The following NEURL1 variants were observed in gnomAD, a reference collection of about 807,000 sequenced individuals.
NEURL1 encodes the protein neuralized E3 ubiquitin protein ligase 1, also known as E3 ubiquitin-protein ligase NEURL1.
In NEURL1, 26 loss-of-function variants were observed where a neutral mutation model predicts 41.2. That is an observed-to-expected ratio of 0.63 (90% CI 0.46 to 0.87). The LOEUF (loss-of-function observed/expected upper bound fraction) is 0.87, where lower values mean the gene tolerates loss of function less well. Among genes scored for constraint, NEURL1 ranks in the 40% least tolerant of loss-of-function variants. The pLI is 0.00. For synonymous variants in NEURL1, 400 were observed against 402.3 expected, an observed-to-expected ratio of 0.99 and a Z score of 0.07; for missense variants, 761 against 871.1, an observed-to-expected ratio of 0.87 and a Z score of 1.59.
At chr10:103,585,631 A>G (rs369925941) in intron 4 of NEURL1, among the ~76,000 whole-genome samples, 15 of 152,088 alleles carry the variant, frequency 9.9e-5, no homozygotes, top group East Asian at 1.9e-4. Context: ...TCAGGAGATC[A>G]AGACCATCCT....
chr10:103,565,813 G>T (rs769825844), intron 1 of NEURL1, among the ~76,000 whole-genome samples: 3 of 152,060 alleles, frequency 2.0e-5, no homozygotes, highest in Admixed American at 6.6e-5. Context: ...ACCATGTCTG[G>T]CTAAGTTTTG....
intron 1 of NEURL1, among the ~76,000 whole-genome samples, chr10:103,522,983 T>A (rs1049304924): frequency 6.6e-6 from 1 of 152,188 alleles, no homozygotes; most frequent in Admixed American, 6.5e-5. Context: ...CAGTATTTTT[T>A]AGCCTTTATT....
At chr10:103,585,768 G>A (rs1373654919) in intron 4 of NEURL1, among the ~76,000 whole-genome samples, 1 of 149,724 alleles carries the variant, frequency 6.7e-6, no homozygotes, top group Admixed American at 6.7e-5. Flanking sequence ...AGGAGGCGGA[G>A]CTTGCAGTGA....
intron 1 of NEURL1, among the ~76,000 whole-genome samples, chr10:103,544,155 C>T (rs1038682152): frequency 2.0e-5 from 3 of 152,068 alleles, no homozygotes; most frequent in African/African-American, 7.2e-5. Context: ...ATGGGCAGAG[C>T]CAGGGGAGGG....
At chr10:103,515,485 T>C (rs2860495) in intron 1 of NEURL1, 121,799 of 152,252 alleles carry the variant, frequency 0.8, 49,379 homozygotes, top group East Asian at 1. Flanking sequence ...GAAATTAGGG[T>C]AGGAGATGCT....
At chr10:103,524,264 T>C (rs1409890776) in intron 1 of NEURL1, among the ~76,000 whole-genome samples, 1 of 152,224 alleles carries the variant, frequency 6.6e-6, no homozygotes, top group Non-Finnish European at 1.5e-5. Context: ...ATTCAGCTCA[T>C]CTGCCTGTTT....
chr10:103,561,154 C>A (rs1425521962), intron 1 of NEURL1, among the ~76,000 whole-genome samples: 1 of 152,182 alleles, frequency 6.6e-6, no homozygotes, highest in East Asian at 1.9e-4. Context: ...CAGCTGGCTT[C>A]CCCCCGAGGG....
At chr10:103,555,210 G>T in intron 1 of NEURL1, 1 of 736,654 alleles carries the variant, frequency 1.4e-6, no homozygotes, top group South Asian at 5.5e-5. Flanking sequence ...GCGTGTGCCG[G>T]AGGGGGCGCG....
intron 1 of NEURL1, among the ~76,000 whole-genome samples, chr10:103,537,467 A>G (rs1234459940): frequency 6.6e-6 from 1 of 151,916 alleles, no homozygotes; most frequent in Non-Finnish European, 1.5e-5. Flanking sequence ...TGGTGTGATC[A>G]TGGCTCACTG....
rs915113235 is a variant in NEURL1, at chr10:103,570,768, T to C, written c.86-104T>C. 9.9e-6 allele frequency: 15 copies of C among 1,518,984 alleles called. No individual in the cohort carries two copies. In the African/African-American group the frequency reaches 1.9e-4, roughly 20 times the overall value. The allele number at this position is 1,518,984 out of a possible 1,614,324, so 94.1% of individuals were successfully genotyped here. On this transcript the variant is annotated intron_variant, in intron 1 of 5. Transcript: ENST00000369780. ...CGGCAGTGGTGAAAGAACTGGGCTCTGGGTGACTTCTGGTCATGCCCAGCC... is the reference window on the plus strand; with the variant it reads ...CGGCAGTGGTGAAAGAACTGGGCTCCGGGTGACTTCTGGTCATGCCCAGCC...
intron 3 of NEURL1, chr10:103,577,806 A>C (rs1041439641): frequency 6.6e-6 from 1 of 152,222 alleles, no homozygotes; most frequent in Non-Finnish European, 1.5e-5. Context: ...TGCCTGCCTT[A>C]TAGTTCCCCG....
intron 1 of NEURL1, among the ~76,000 whole-genome samples, chr10:103,527,043 T>G (rs1020398632): frequency 1.3e-5 from 2 of 152,160 alleles, no homozygotes; most frequent in Non-Finnish European, 2.9e-5. Flanking sequence ...TTATGGTTAT[T>G]TCTTATCATA....
At chr10:103,557,902 C>T (rs556256348) in intron 1 of NEURL1, among the ~76,000 whole-genome samples, 1 of 151,922 alleles carries the variant, frequency 6.6e-6, no homozygotes, top group Non-Finnish European at 1.5e-5. Context: ...TTTTTTGAGA[C>T]GTAGTCTCTC....
rs1592232718 is a variant in NEURL1 at position 103,571,762 on chromosome 10, G to A, written c.589G>A (p.Ala197Thr). 1 of 1,613,782 alleles carries A rather than the reference G, an allele frequency of 6.2e-7. No individual in the cohort carries two copies. Among genetic ancestry groups the A allele is most frequent in the Non-Finnish European group, 8.5e-7 (1 of 1,179,922 alleles). Residue 197 changes from alanine to threonine, a missense_variant, in exon 3 of 6, where the codon GCC becomes ACC. Coordinates refer to ENST00000369780, the MANE Select transcript of NEURL1 (RefSeq NM_004210.5). ...GCTGTTCTTCAGCGGGGTCCGCACG[G>A]CCGACCCGCTCTGGGCCCTGGTGGA... is the stretch of plus-strand genomic sequence containing the variant. ...VMLFFSGVRT[A>T]DPLWALVDVY...
chr10:103,548,276 G>A (rs2034963319), intron 1 of NEURL1, among the ~76,000 whole-genome samples: 1 of 152,074 alleles, frequency 6.6e-6, no homozygotes, highest in South Asian at 2.1e-4. Flanking sequence ...CCGAGTAAAT[G>A]TTTCTTATTA....
rs529399978 is a variant in NEURL1, at chr10:103,559,975, T to C, written c.86-10897T>C. On this transcript the variant is annotated intron_variant, in intron 1 of 5. Coordinates refer to ENST00000369780, the MANE Select transcript of NEURL1 (RefSeq NM_004210.5). ...GTACATGCACGCACATATATACACA[T>C]ATGCACATGCACACATATACACAAT... Among the ~76,000 whole-genome samples, 9 of 147,874 alleles carry C rather than the reference T, an allele frequency of 6.1e-5. 1 individual carries two copies. The highest frequency in any genetic ancestry group is 4.2e-4 in the South Asian group (2 of 4,712).
chr10:103,543,782 A>G (rs1046545646), intron 1 of NEURL1, among the ~76,000 whole-genome samples: 2 of 152,030 alleles, frequency 1.3e-5, no homozygotes, highest in African/African-American at 4.8e-5. Context: ...GCTGAAGGTG[A>G]GGTGGGAGTG....
intron 3 of NEURL1, among the ~76,000 whole-genome samples, chr10:103,582,658 A>C (rs1449675248): frequency 6.6e-6 from 1 of 152,184 alleles, no homozygotes; most frequent in Non-Finnish European, 1.5e-5. Flanking sequence ...TTGGAACTGA[A>C]TTTTGGCCTC....
At chr10:103,526,569 T>C (rs867459962) in intron 1 of NEURL1, among the ~76,000 whole-genome samples, 1 of 152,198 alleles carries the variant, frequency 6.6e-6, no homozygotes, top group South Asian at 2.1e-4. Context: ...TGGAGTGCAG[T>C]GGCACGATGT....
Sources: gnomAD v4.1 joint callset for allele counts (sites outside exome capture counted in the v4.1 genomes callset) on GRCh38, gnomAD v4.1.1 for gene constraint, MANE v1.5 for transcripts, NCBI Gene and HGNC (gene_info 2026-07-23, HGNC 2026-07-21) for gene names.